EEA1: variants seen among roughly 807,000 people sequenced by gnomAD.
EEA1 encodes early endosome antigen 1, 162kD.
In EEA1, 111 loss-of-function variants were observed where a neutral mutation model predicts 209.2. That is an observed-to-expected ratio of 0.53 (90% CI 0.45 to 0.62). The LOEUF is 0.62. Ranked by LOEUF, EEA1 falls within the 20% of genes least tolerant of loss-of-function variation. EEA1 has a pLI of 0.00. For synonymous variants in EEA1, 536 were observed against 540.6 expected (o/e 0.99, Z 0.12); for missense variants, 1,343 against 1,530.8 (o/e 0.88, Z 2.05).
Position 92,916,878 on chromosome 12 carries a change from C to G in EEA1, c.24+12165G>C, listed in dbSNP as rs570916159. On this transcript the variant is annotated intron_variant, in intron 1 of 28. Transcript: ENST00000322349. ...TTAGAAGAATGTATAACTAGAATAACCAATACAGAGAAGTGCTTAAAGGAG... is the reference window on the plus strand; with the variant it reads ...TTAGAAGAATGTATAACTAGAATAAGCAATACAGAGAAGTGCTTAAAGGAG... Among the ~76,000 whole-genome samples, 8 of 143,722 alleles carry G rather than the reference C, an allele frequency of 5.6e-5. No homozygotes were observed. The South Asian group carries it at 1.8e-3, about 32-fold the overall frequency. 94.3% of individuals were successfully genotyped at this position (143,722 alleles called of 152,430 possible).
chr12:92,877,351 G>A (rs956325120), intron 2 of EEA1, among the ~76,000 whole-genome samples: 1 of 151,970 alleles, frequency 6.6e-6, no homozygotes, highest in African/African-American at 2.4e-5. Context: ...TCAATTGGAA[G>A]AGAGAGGAGA....
chr12:92,929,010 C>A (rs763399352), intron 1 of EEA1, 33 bp downstream of exon 1: 3 of 1,581,006 alleles, frequency 1.9e-6, no homozygotes, highest in East Asian at 2.4e-5. Flanking sequence ...GTCCCGCTCA[C>A]GTGCTGCCAG....
chr12:92,799,031 G>T lies in EEA1; in HGVS notation c.2828C>A (p.Ala943Asp). The change falls in exon 21 of 29, where the codon GCC (alanine) becomes GAC (aspartate). Residue 943 changes from alanine (A) to aspartate (D), a missense_variant. Transcript: ENST00000322349. ...LNSMQEQLIQ[A>D]QNTLKQNEKE... ...TTCATTTTGTTTTAAAGTATTCTGG[G>T]CCTGTATAAGTTGTTCCTGCATTGA... is the stretch of plus-strand genomic sequence containing the variant. 9 of 1,611,784 alleles carry T rather than the reference G, an allele frequency of 5.6e-6. No homozygotes were observed. The highest frequency in any genetic ancestry group is 7.6e-6 in the Non-Finnish European group (9 of 1,179,280).
chr12:92,808,963 ATACT>A, intron 18 of EEA1, 50 bp downstream of exon 18: 2 of 1,478,532 alleles, frequency 1.4e-6, no homozygotes, highest in Non-Finnish European at 9.1e-7. Flanking sequence ...GGAAATTTTA[ATACT>A]TAGTTCACAA....
chr12:92,866,427 C>T (rs1878398572), intron 2 of EEA1, among the ~76,000 whole-genome samples: 1 of 151,554 alleles, frequency 6.6e-6, no homozygotes, highest in African/African-American at 2.4e-5. Flanking sequence ...TGCTTCGGCA[C>T]TGTAAGCAAC....
At chr12:92,921,882 A>G (rs1160435565) in intron 1 of EEA1, among the ~76,000 whole-genome samples, 78 of 146,214 alleles carry the variant, frequency 5.3e-4, no homozygotes, top group Admixed American at 2.6e-3. Flanking sequence ...AAAAAAAAAA[A>G]AAAAGAAAAA....
intron 2 of EEA1, chr12:92,883,746 C>T (rs1473253945): frequency 6.2e-6 from 8 of 1,284,222 alleles, no homozygotes; most frequent in African/African-American, 1.5e-5. Context: ...GAAGAAGCAT[C>T]GTTAAAGTCT....
At chr12:92,818,135 T>G (rs1480724892) in intron 14 of EEA1, among the ~76,000 whole-genome samples, 1 of 152,222 alleles carries the variant, frequency 6.6e-6, no homozygotes, top group Non-Finnish European at 1.5e-5. Context: ...GTACTGCTCC[T>G]TCCTTTCTGG....
chr12:92,883,687 C>G (rs1203402339), intron 2 of EEA1: 1 of 724,582 alleles, frequency 1.4e-6, no homozygotes. Flanking sequence ...CGTAAGAATA[C>G]AGTGAGACAC....
chr12:92,923,379 T>C (rs527290847), intron 1 of EEA1, among the ~76,000 whole-genome samples: 1 of 152,164 alleles, frequency 6.6e-6, no homozygotes, highest in Non-Finnish European at 1.5e-5. Context: ...TGTGGCTCCT[T>C]ACTGTCTACA....
chr12:92,851,299 A>T, intron 8 of EEA1, 33 bp from the exon 9 acceptor site: 1 of 1,579,470 alleles, frequency 6.3e-7, no homozygotes, highest in Non-Finnish European at 8.6e-7. Context: ...TAAAAATTAA[A>T]GTGAAAAACT....
chr12:92,852,247 T>C lies in EEA1; in HGVS notation c.570A>G (p.Glu190=). 1.9e-6 allele frequency: 3 copies of C among 1,602,530 alleles called. No homozygotes were observed. In the South Asian group the frequency reaches 3.4e-5, roughly 18 times the overall value. ...DEERSLREAA[E]QKVTRLTEEL... is the part of the protein sequence containing the mutation. The stretch of plus-strand genomic sequence containing the variant: ...CTTCTGTCAGACGTGTCACTTTTTG[T>C]TCAGCAGCTTCTCGAAGACTCCTTT... Residue 190 remains glutamate (E), a synonymous_variant, in exon 8 of 29, where the codon GAA becomes GAG. Coordinates refer to ENST00000322349, the MANE Select transcript of EEA1 (RefSeq NM_003566.4).
At position 92,773,360 on chromosome 12, in the gene EEA1, G is replaced by A. The variant is rs1457045094; in HGVS notation, c.*2651C>T. On this transcript the variant is annotated 3_prime_UTR_variant, in exon 29 of 29. Transcript: ENST00000322349. ...TTGGCAGTTACTATTTAACATTACT[G>A]TCAGGAAACTATTAAAGTAGATAAT... 6.6e-6 allele frequency: 1 copy of A among 152,118 alleles called. No homozygotes were observed. The highest frequency in any genetic ancestry group is 1.9e-4 in the East Asian group (1 of 5,200). The allele number at this position is 152,118 out of a possible 1,614,324, so 9.4% of individuals were successfully genotyped here.
intron 9 of EEA1, among the ~76,000 whole-genome samples, chr12:92,847,217 C>T (rs1441816186): frequency 1.3e-5 from 2 of 152,054 alleles, no homozygotes; most frequent in South Asian, 2.1e-4. Context: ...GGCCTCCCAA[C>T]GTGCTGGGAT....
chr12:92,802,346 A>C, intron 19 of EEA1, 58 bp downstream of exon 19: 1 of 1,432,154 alleles, frequency 7.0e-7, no homozygotes, highest in Non-Finnish European at 9.4e-7. Context: ...CAGAAAAATC[A>C]GTACATTTTA....
chr12:92,921,932 G>A (rs1881026928), intron 1 of EEA1, among the ~76,000 whole-genome samples: 1 of 149,472 alleles, frequency 6.7e-6, no homozygotes, highest in African/African-American at 2.5e-5. Context: ...GAGAATGACA[G>A]ATTACATTAA....
At chr12:92,871,006 G>C (rs376086615) in intron 2 of EEA1, among the ~76,000 whole-genome samples, 1 of 152,120 alleles carries the variant, frequency 6.6e-6, no homozygotes, top group Non-Finnish European at 1.5e-5. Context: ...ACAGTGCCCA[G>C]CCTCAAAGTC....
intron 1 of EEA1, among the ~76,000 whole-genome samples, chr12:92,928,632 C>G (rs1042156012): frequency 6.6e-6 from 1 of 152,008 alleles, no homozygotes; most frequent in African/African-American, 2.4e-5. Context: ...TGGGGAAAGG[C>G]GAAGCAAGCC....
intron 1 of EEA1, among the ~76,000 whole-genome samples, chr12:92,900,271 C>A (rs80260128): frequency 0.024 from 3,670 of 152,188 alleles, 163 homozygotes; most frequent in African/African-American, 0.083. Context: ...CATTCAATGG[C>A]CTTCAGAAAT....
Sources: gnomAD v4.1 joint callset for allele counts (sites outside exome capture counted in the v4.1 genomes callset) on GRCh38, gnomAD v4.1.1 for gene constraint, MANE v1.5 for transcripts, NCBI Gene and HGNC (gene_info 2026-07-23, HGNC 2026-07-21) for gene names.